IKBIP: variants seen among roughly 807,000 people sequenced by gnomAD.
The protein encoded by IKBIP is IKBKB interacting protein, also known as inhibitor of nuclear factor kappa-B kinase-interacting protein.
In IKBIP, 28 loss-of-function variants were observed where a neutral mutation model predicts 31.0. That is an observed-to-expected ratio of 0.90 (90% CI 0.67 to 1.24). The LOEUF (loss-of-function observed/expected upper bound fraction) is 1.24, where lower values mean the gene tolerates loss of function less well. IKBIP is among the 50% of genes most tolerant of loss of function. IKBIP has a pLI of 0.00. For synonymous variants in IKBIP, 164 were observed against 160.3 expected, an observed-to-expected ratio of 1.02 and a Z score of -0.17; for missense variants, 453 against 441.9, an observed-to-expected ratio of 1.03 and a Z score of -0.23.
rs1281622785 is a variant in IKBIP at position 98,613,886 on chromosome 12, CTCTT to C, written c.748_751del (p.Lys250ValfsTer11). 3 of 1,613,334 alleles carry C rather than the reference CTCTT, an allele frequency of 1.9e-6. No homozygotes were observed. The highest frequency in any genetic ancestry group is 2.5e-6 in the Non-Finnish European group (3 of 1,179,820). Reference sequence around the variant, plus strand: ...TCTATCTGTATGTTTGTCGAAGTCACTCTTTAGTTCGGTTAGCGTCTTCTTAACA... The same window carrying C: ...TCTATCTGTATGTTTGTCGAAGTCACTAGTTCGGTTAGCGTCTTCTTAACA... On this transcript the variant is annotated frameshift_variant, in exon 3 of 3. Transcript: ENST00000342502. LOFTEE classifies it high-confidence loss of function.
chr12:98,637,655 C>A (rs1164191142), intron 1 of IKBIP, among the ~76,000 whole-genome samples: 1 of 152,170 alleles, frequency 6.6e-6, no homozygotes, highest in South Asian at 2.1e-4. Context: ...GTTCCGCCTG[C>A]CTCAGCCTCC....
intron 1 of IKBIP, among the ~76,000 whole-genome samples, chr12:98,642,877 G>C (rs1343644750): frequency 6.6e-6 from 1 of 152,030 alleles, no homozygotes; most frequent in Non-Finnish European, 1.5e-5. Flanking sequence ...GGGAGTACAG[G>C]CATGAGCCAC....
rs529489549 is a variant in IKBIP at position 98,635,233 on chromosome 12, C to T, written c.180-820G>A. On this transcript the variant is annotated intron_variant, in intron 1 of 2. Transcript: ENST00000299157. ...TGTTGGCTAGGCTGGTTTTGAACTC[C>T]TGACCAGTGATCTGCCCGCCTTGGC... Among the ~76,000 whole-genome samples the T allele has an allele frequency of 2.7e-5, 4 of 150,816 alleles. No individual in the cohort carries two copies. The South Asian group carries it at 8.4e-4, about 32-fold the overall frequency.
At chr12:98,614,637 G>A (rs1284309449) in intron 2 of IKBIP, among the ~76,000 whole-genome samples, 2 of 152,060 alleles carry the variant, frequency 1.3e-5, no homozygotes, top group East Asian at 3.9e-4. Context: ...ATGTTGGACA[G>A]GCTGGTCTCG....
At chr12:98,614,219 T>C (rs772689975) in exon 3 of IKBIP, 9 of 1,613,866 alleles carry the variant, frequency 5.6e-6, no homozygotes, top group Non-Finnish European at 7.6e-6. Flanking sequence ...CAGTATATCC[T>C]GTTTTTCAGT....
chr12:98,626,344 C>G lies in IKBIP; in HGVS notation c.720G>C (p.Lys240Asn). The G allele has an allele frequency of 6.2e-7, 1 of 1,614,140 alleles. No homozygotes were observed. Among genetic ancestry groups the G allele is most frequent in the Non-Finnish European group, 8.5e-7 (1 of 1,180,026 alleles). ...QLGSDTKAIEKLEEEQHALFA... is the reference protein window; with the variant it reads ...QLGSDTKAIENLEEEQHALFA... The stretch of plus-strand genomic sequence containing the variant: ...AGAGGGCATGCTGTTCCTCTTCTAA[C>G]TTTTCAATTGCCTTTGTATCAGAGC... The change falls in exon 3 of 3, where the codon AAG becomes AAC. Residue 240 changes from lysine to asparagine, a missense_variant. Lys to Asn is a moderately conservative substitution (Grantham distance 94). Transcript: ENST00000299157.
chr12:98,614,409 T>G (rs2097605141), intron 2 of IKBIP: 1 of 846,834 alleles, frequency 1.2e-6, no homozygotes, highest in Non-Finnish European at 1.6e-6. Flanking sequence ...TCATCTTAAA[T>G]TTTATATTTC....
At chr12:98,634,458 T>A (rs777401344) in intron 1 of IKBIP, 45 bp from the exon 2 acceptor site, 1 of 968,456 alleles carries the variant, frequency 1.0e-6, no homozygotes, top group South Asian at 1.4e-5. Context: ...TCATATCCAT[T>A]TAAATCCGAA....
chr12:98,621,460 A>G (rs567225370), downstream of IKBIP, among the ~76,000 whole-genome samples: 30 of 152,298 alleles, frequency 2.0e-4, no homozygotes, highest in Admixed American at 7.8e-4. Flanking sequence ...TGAGGGACTG[A>G]GTCTGGTTTA....
At chr12:98,622,741 G>A (rs1339278677), downstream of IKBIP, among the ~76,000 whole-genome samples, 4 of 151,628 alleles carry the variant, frequency 2.6e-5, no homozygotes, top group African/African-American at 9.7e-5. Flanking sequence ...AGGTTGAGAA[G>A]AAAAATAATA....
intron 1 of IKBIP, among the ~76,000 whole-genome samples, chr12:98,643,817 CTT>C (rs1163038325): frequency 3.1e-4 from 43 of 136,904 alleles, no homozygotes; most frequent in Non-Finnish European, 3.3e-4. Flanking sequence ...ATATGGTTTT[CTT>C]TTTTTTTTTT....
chr12:98,626,152 C>T lies in IKBIP; in HGVS notation c.912G>A (p.Met304Ile), dbSNP rs373561911. Residue 304 changes from methionine to isoleucine, a missense_variant, in exon 3 of 3, where the codon ATG becomes ATA. By Grantham distance (10) the Met-to-Ile change is conservative. Transcript: ENST00000299157. ...EKKMEDLTMQ[M>I]FNMEDDMLKA... ...TCAGCATATCATCTTCCATATTAAACATCTGCATAGTCAAGTCTTCCATTT... is the reference window on the plus strand; with the variant it reads ...TCAGCATATCATCTTCCATATTAAATATCTGCATAGTCAAGTCTTCCATTT... 27 of 1,612,782 alleles carry T rather than the reference C, an allele frequency of 1.7e-5. No individual in the cohort carries two copies. The African/African-American group carries it at 2.4e-4, about 14-fold the overall frequency.
At chr12:98,619,976 T>C (rs2097608803), downstream of IKBIP, among the ~76,000 whole-genome samples, 1 of 150,814 alleles carries the variant, frequency 6.6e-6, no homozygotes, top group African/African-American at 2.4e-5. Context: ...TGGAGTGCAG[T>C]GGTGCAATCT....
chr12:98,642,571 G>A (rs1357538939), intron 1 of IKBIP, among the ~76,000 whole-genome samples: 5 of 146,460 alleles, frequency 3.4e-5, no homozygotes, highest in East Asian at 2.0e-4. Context: ...AACATATTCC[G>A]TATTAGTAAA....
intron 2 of IKBIP, among the ~76,000 whole-genome samples, chr12:98,632,505 AAAAAAAAATATATATAT>A: frequency 1.5e-5 from 1 of 65,964 alleles, no homozygotes; most frequent in African/African-American, 6.5e-5. Flanking sequence ...AAAAAAAAAA[AAAAAAAAATATATATAT>A]ATATATATAT....
intron 1 of IKBIP, among the ~76,000 whole-genome samples, chr12:98,637,921 T>C (rs1293024828): frequency 2.0e-5 from 3 of 152,252 alleles, no homozygotes; most frequent in Non-Finnish European, 4.4e-5. Flanking sequence ...GCTTTCAAAC[T>C]GGCATCCATG....
exon 3 of IKBIP, chr12:98,613,787 A>G (rs746214386): frequency 5.0e-6 from 8 of 1,610,056 alleles, no homozygotes; most frequent in Non-Finnish European, 5.9e-6. Flanking sequence ...TAGATTATAC[A>G]CCTTTGGTTT....
chr12:98,628,562 A>G (rs1312990831), intron 2 of IKBIP, among the ~76,000 whole-genome samples: 2 of 152,206 alleles, frequency 1.3e-5, no homozygotes, highest in African/African-American at 4.8e-5. Context: ...CCATAGCCCT[A>G]GCCCTGACAA....
At chr12:98,644,323 C>CG (rs2097635437) in intron 1 of IKBIP, among the ~76,000 whole-genome samples, 200 bp downstream of exon 1, 2 of 152,052 alleles carry the variant, frequency 1.3e-5, no homozygotes, top group Non-Finnish European at 2.9e-5. Context: ...GCTACCAGCA[C>CG]GGGGGGAAAT....
Sources: allele counts gnomAD v4.1 joint callset (sites outside exome capture counted in the v4.1 genomes callset), GRCh38; gene constraint gnomAD v4.1.1; transcripts MANE v1.5; gene names NCBI Gene and HGNC (gene_info 2026-07-23, HGNC 2026-07-21).